Variants in OLFML1 observed in about 807,000 individuals in gnomAD.
OLFML1 encodes the protein olfactomedin like 1.
OLFML1 carries 33 observed loss-of-function variants against 37.3 expected under a neutral mutation model. The observed-to-expected ratio is 0.88, with a 90% CI of 0.67 to 1.18. OLFML1 has a LOEUF of 1.18. OLFML1 is among the 50% of genes most tolerant of loss of function. OLFML1 has a pLI of 0.00. For missense variants in OLFML1, 545 were observed against 483.7 expected, an observed-to-expected ratio of 1.13 and a Z score of -1.19; for synonymous variants, 186 against 181.3, an observed-to-expected ratio of 1.03 and a Z score of -0.21.
In OLFML1 at chr11:7,486,043, T is replaced by C. The variant is rs772555539; in HGVS notation, c.129+39T>C. 27 of 1,593,060 alleles carry C rather than the reference T, an allele frequency of 1.7e-5. 1 individual carries two copies. The South Asian group carries it at 2.8e-4, about 17-fold the overall frequency. On this transcript the variant is annotated intron_variant, in intron 1 of 2. Transcript: ENST00000329293. ...GTACACCTTGGATAAGTAACAGGCTTCCCAGAAGTACCTTATTTTTACCCA... is the reference window on the plus strand; with the variant it reads ...GTACACCTTGGATAAGTAACAGGCTCCCCAGAAGTACCTTATTTTTACCCA...
rs752858594 is a variant in OLFML1 at position 7,510,102 on chromosome 11, C to T, written c.1123C>T (p.Pro375Ser). The T allele has an allele frequency of 6.2e-7, 1 of 1,614,212 alleles. No individual in the cohort carries two copies. The highest frequency in any genetic ancestry group is 8.5e-7 in the Non-Finnish European group (1 of 1,180,040). Residue 375 changes from proline (P) to serine (S), a missense_variant, in exon 3 of 3, where the codon CCC (proline) becomes TCC (serine). By Grantham distance (74) the Pro-to-Ser change is moderately conservative. Transcript: ENST00000329293. ...PRSHSMIHYN[P>S]RDKQLYAWNE... ...AAGTCACTCCATGATCCATTACAAC[C>T]CCAGAGATAAGCAGCTCTATGCCTG...
In OLFML1 at chr11:7,502,668, C is replaced by T. The variant is rs555781211; in HGVS notation, c.419-6730C>T. On this transcript the variant is annotated intron_variant, in intron 2 of 2. Transcript: ENST00000329293. The stretch of plus-strand genomic sequence containing the variant: ...GTATCCAGGATGGAGTGCAGTGGCG[C>T]GATCTCGGCTTACTGCAACCTCTGC... 1.7e-3 allele frequency among the ~76,000 whole-genome samples: 257 copies of T among 151,618 alleles called. 2 individuals carry two copies. Among genetic ancestry groups the T allele is most frequent in the Non-Finnish European group, 2.6e-3 (180 of 67,946 alleles).
In OLFML1 at chr11:7,507,741, G is replaced by T. The variant is rs185876501; in HGVS notation, c.419-1657G>T. Among the ~76,000 whole-genome samples, 785 of 152,136 alleles carry T rather than the reference G, an allele frequency of 5.2e-3. 11 individuals carry two copies. Among genetic ancestry groups the T allele is most frequent in the African/African-American group, 0.018 (754 of 41,500 alleles). ...TTTTTGTATTTTTAGCAGAGACAGGGTTTCACCATGTTGGCTAGGATGGTC... is the reference window on the plus strand; with the variant it reads ...TTTTTGTATTTTTAGCAGAGACAGGTTTTCACCATGTTGGCTAGGATGGTC... On this transcript the variant is annotated intron_variant, in intron 2 of 2. Transcript: ENST00000329293.
rs1848750958 is a variant in OLFML1, at chr11:7,503,826, G to A, written c.419-5572G>A. Reference sequence around the variant, plus strand: ...CACGGGAAGGATGGCAGAGAATGTAGGGTTGGGAGCAGTTTGTTGATGGAT... The same window carrying A: ...CACGGGAAGGATGGCAGAGAATGTAAGGTTGGGAGCAGTTTGTTGATGGAT... On this transcript the variant is annotated intron_variant, in intron 2 of 2. Transcript: ENST00000329293. 3.3e-5 allele frequency among the ~76,000 whole-genome samples: 5 copies of A among 152,198 alleles called. No individual in the cohort carries two copies. In the South Asian group the frequency reaches 1.0e-3, roughly 32 times the overall value.
chr11:7,496,431 C>T (rs1195269784), intron 2 of OLFML1, among the ~76,000 whole-genome samples: 5 of 152,214 alleles, frequency 3.3e-5, no homozygotes, highest in Admixed American at 1.3e-4. Flanking sequence ...AGCAGTGAGT[C>T]AGGCATTGGT....
intron 2 of OLFML1, among the ~76,000 whole-genome samples, chr11:7,492,909 A>G (rs897377830): frequency 3.9e-5 from 6 of 152,180 alleles, no homozygotes; most frequent in Non-Finnish European, 7.3e-5. Context: ...ATTTATGACA[A>G]AGAATCATTC....
chr11:7,496,594 G>A (rs748003495), intron 2 of OLFML1, among the ~76,000 whole-genome samples: 9 of 152,090 alleles, frequency 5.9e-5, no homozygotes, highest in Non-Finnish European at 1.3e-4. Flanking sequence ...AAGAATCCAT[G>A]GGGAAACATC....
At chr11:7,502,794 T>C (rs572075752) in intron 2 of OLFML1, among the ~76,000 whole-genome samples, 1,886 of 152,154 alleles carry the variant, frequency 0.012, 18 homozygotes, top group Non-Finnish European at 0.02. Flanking sequence ...TAAGTAGAGA[T>C]GGGGTTTCAC....
At chr11:7,493,085 A>G (rs376848199) in intron 2 of OLFML1, among the ~76,000 whole-genome samples, 3 of 152,358 alleles carry the variant, frequency 2.0e-5, no homozygotes, top group East Asian at 3.9e-4. Flanking sequence ...AAAATTCTCA[A>G]GGCAGTCAAA....
chr11:7,490,769 C>T (rs1848585721), intron 2 of OLFML1, among the ~76,000 whole-genome samples: 1 of 152,118 alleles, frequency 6.6e-6, no homozygotes, highest in African/African-American at 2.4e-5. Context: ...CTGGATGGGC[C>T]CTGTGCTGCA....
At position 7,508,392 on chromosome 11, in the gene OLFML1, T is replaced by C. The variant is rs568353516; in HGVS notation, c.419-1006T>C. Among the ~76,000 whole-genome samples the C allele has an allele frequency of 5.9e-5, 9 of 152,332 alleles. No individual in the cohort carries two copies. In the East Asian group the frequency reaches 1.7e-3, roughly 29 times the overall value. On this transcript the variant is annotated intron_variant, in intron 2 of 2. Transcript: ENST00000329293. Reference sequence around the variant, plus strand: ...CTTCTTTACCTAATCTTAGAGTACTTTCCTGAAAGTGGTTTTGTTTGCTGT... The same window carrying C: ...CTTCTTTACCTAATCTTAGAGTACTCTCCTGAAAGTGGTTTTGTTTGCTGT...
chr11:7,509,322 A>G, intron 2 of OLFML1, 76 bp from the exon 3 acceptor site: 1 of 1,124,240 alleles, frequency 8.9e-7, no homozygotes, highest in East Asian at 2.4e-5. Context: ...AAGATTTACC[A>G]AGCATGGGGA....
At chr11:7,502,714 T>C (rs4237754) in intron 2 of OLFML1, among the ~76,000 whole-genome samples, 2 of 151,678 alleles carry the variant, frequency 1.3e-5, no homozygotes, top group Non-Finnish European at 2.9e-5. Flanking sequence ...CAAGCAATTC[T>C]CCTGCCTTAG....
At position 7,485,809 on chromosome 11, in the gene OLFML1, G is replaced by A. The variant is rs776155858; in HGVS notation, c.-67G>A. 8.4e-6 allele frequency: 13 copies of A among 1,540,278 alleles called. No homozygotes were observed. The highest frequency in any genetic ancestry group is 5.9e-5 in the South Asian group (5 of 84,658). ...GCGGATAGAGCAGGAGAGCACCACC[G>A]GAGCCCTTGAGACATCCTTGAGAAG... On this transcript the variant is annotated 5_prime_UTR_variant, in exon 1 of 3. Transcript: ENST00000329293.
chr11:7,506,491 G>A (rs1417671204), intron 2 of OLFML1, among the ~76,000 whole-genome samples: 1 of 152,154 alleles, frequency 6.6e-6, no homozygotes, highest in Non-Finnish European at 1.5e-5. Flanking sequence ...GTTGGTGAAG[G>A]GACTGGCCAG....
intron 2 of OLFML1, among the ~76,000 whole-genome samples, chr11:7,491,017 T>C (rs922013178): frequency 1.3e-5 from 2 of 152,274 alleles, no homozygotes; most frequent in African/African-American, 2.4e-5. Flanking sequence ...TACAAAGTGA[T>C]GCAAGTTGAT....
rs1219488054 is a variant in OLFML1 at position 7,485,812 on chromosome 11, G to A, written c.-64G>A. 1.3e-6 allele frequency: 2 copies of A among 1,555,104 alleles called. No homozygotes were observed. The highest frequency in any genetic ancestry group is 4.5e-5 in the East Asian group (2 of 44,542). On this transcript the variant is annotated 5_prime_UTR_variant, in exon 1 of 3. Coordinates refer to ENST00000329293, the MANE Select transcript of OLFML1 (RefSeq NM_198474.4). ...GATAGAGCAGGAGAGCACCACCGGAGCCCTTGAGACATCCTTGAGAAGAGC... is the reference window on the plus strand; with the variant it reads ...GATAGAGCAGGAGAGCACCACCGGAACCCTTGAGACATCCTTGAGAAGAGC...
chr11:7,493,881 T>A (rs1223113524), intron 2 of OLFML1, among the ~76,000 whole-genome samples: 1 of 149,918 alleles, frequency 6.7e-6, no homozygotes, highest in African/African-American at 2.4e-5. Flanking sequence ...GCATTAGAGA[T>A]AGAATGTTGG....
intron 2 of OLFML1, among the ~76,000 whole-genome samples, chr11:7,490,449 T>C (rs900505176): frequency 6.6e-6 from 1 of 152,126 alleles, no homozygotes; most frequent in Non-Finnish European, 1.5e-5. Flanking sequence ...GTCTGAATAG[T>C]GGTGCTGAAT....
Sources: allele counts gnomAD v4.1 joint callset (sites outside exome capture counted in the v4.1 genomes callset), GRCh38; gene constraint gnomAD v4.1.1; transcripts MANE v1.5; gene names NCBI Gene and HGNC (gene_info 2026-07-23, HGNC 2026-07-21).